Variants in DHX35 observed in about 807,000 individuals in gnomAD.
The protein encoded by DHX35 is DEAH-box helicase 35, also known as probable ATP-dependent RNA helicase DHX35.
A neutral mutation model predicts 99.6 loss-of-function variants in DHX35; 84 were observed. That is an observed-to-expected ratio of 0.84 (90% CI 0.71 to 1.01). The LOEUF is 1.01. DHX35 is among the 50% of genes least tolerant of loss of function. DHX35 has a pLI of 0.00. For missense variants in DHX35, 852 were observed against 888.5 expected (o/e 0.96, Z 0.52); for synonymous variants, 331 against 316.2 (o/e 1.05, Z -0.50).
chr20:38,964,219 A>G (rs1403911680), intron 1 of DHX35, among the ~76,000 whole-genome samples: 1 of 152,238 alleles, frequency 6.6e-6, no homozygotes, highest in Non-Finnish European at 1.5e-5. Context: ...ATGGAACTCG[A>G]AGCAAAGGGT....
In DHX35 at chr20:38,962,594, C is replaced by T. The variant is rs551617660; in HGVS notation, c.40+187C>T. Reference sequence around the variant, plus strand: ...TGGTCCCGAGGGATTTGGGGGTGCTCCCCTAGCGTGAGCAGAAACTCTTTG... The same window carrying T: ...TGGTCCCGAGGGATTTGGGGGTGCTTCCCTAGCGTGAGCAGAAACTCTTTG... On this transcript the variant is annotated intron_variant, in intron 1 of 21. Transcript: ENST00000252011. 106 of 668,160 alleles carry T rather than the reference C, an allele frequency of 1.6e-4. No individual in the cohort carries two copies. In the African/African-American group the frequency reaches 1.8e-3, roughly 11 times the overall value. The allele number at this position is 668,160 out of a possible 1,614,324, so 41.4% of individuals were successfully genotyped here.
chr20:39,025,056 G>A (rs1395155539), intron 17 of DHX35, among the ~76,000 whole-genome samples, 174 bp from the exon 18 acceptor site: 1 of 152,180 alleles, frequency 6.6e-6, no homozygotes, highest in African/African-American at 2.4e-5. Flanking sequence ...TCAGATGTGT[G>A]CAAGGTTGTT....
intron 2 of DHX35, among the ~76,000 whole-genome samples, chr20:38,970,828 A>G (rs2085984258): frequency 6.6e-6 from 1 of 151,030 alleles, no homozygotes; most frequent in African/African-American, 2.4e-5. Context: ...ACAAGATAAC[A>G]TAAATGAAAC....
intron 15 of DHX35, among the ~76,000 whole-genome samples, chr20:39,021,556 C>T (rs1208084598): frequency 9.2e-5 from 14 of 152,076 alleles, no homozygotes; most frequent in South Asian, 8.3e-4. Flanking sequence ...AATGCAGTGG[C>T]GTGAACTTGG....
rs755282012 is a variant in DHX35 at position 39,006,167 on chromosome 20, G to T, written c.1033G>T (p.Ala345Ser). Residue 345 changes from alanine to serine, a missense_variant, in exon 12 of 22, where the codon GCA (alanine) becomes TCA (serine). Coordinates refer to ENST00000252011, the MANE Select transcript of DHX35 (RefSeq NM_021931.4). ...VRKVIVATNV[A>S]ETSITISGIV... Reference sequence around the variant, plus strand: ...GTAGGTGATAGTGGCCACCAATGTGGCAGAAACCTCTATCACAATCAGCGG... The same window carrying T: ...GTAGGTGATAGTGGCCACCAATGTGTCAGAAACCTCTATCACAATCAGCGG... 6.2e-7 allele frequency: 1 copy of T among 1,613,884 alleles called. No homozygotes were observed. Among genetic ancestry groups the T allele is most frequent in the Non-Finnish European group, 8.5e-7 (1 of 1,179,830 alleles).
At chr20:38,972,162 A>G (rs1367014701) in intron 2 of DHX35, among the ~76,000 whole-genome samples, 1 of 150,626 alleles carries the variant, frequency 6.6e-6, no homozygotes, top group Non-Finnish European at 1.5e-5. Flanking sequence ...GGCACTTTCC[A>G]CTGCGCCCAG....
intron 17 of DHX35, among the ~76,000 whole-genome samples, chr20:39,024,853 G>T (rs762589896): frequency 7.9e-5 from 12 of 152,192 alleles, no homozygotes; most frequent in Admixed American, 2.6e-4. Flanking sequence ...GTGTCATATT[G>T]TTGGCTTCTA....
At chr20:38,988,262 A>G (rs918949666) in intron 4 of DHX35, among the ~76,000 whole-genome samples, 25 of 152,036 alleles carry the variant, frequency 1.6e-4, no homozygotes, top group African/African-American at 5.8e-4. Flanking sequence ...TAACATTTTT[A>G]TGTGATTTTG....
At chr20:38,970,069 A>T (rs187855609) in intron 2 of DHX35, among the ~76,000 whole-genome samples, 15 of 152,074 alleles carry the variant, frequency 9.9e-5, no homozygotes, top group Admixed American at 4.6e-4. Context: ...GCTGTGTTCT[A>T]TCTATCTGTC....
intron 3 of DHX35, among the ~76,000 whole-genome samples, chr20:38,979,777 G>A (rs2086142211): frequency 2.0e-5 from 3 of 150,902 alleles, no homozygotes; most frequent in Admixed American, 6.6e-5. Flanking sequence ...CAAAAGCACT[G>A]GATACTTAAT....
In DHX35 at chr20:39,025,298, T is replaced by C; in HGVS notation, c.1740T>C (p.Thr580=). The change falls in exon 18 of 22, where the codon ACT becomes ACC. Residue 580 remains threonine (T), a synonymous_variant. Transcript: ENST00000252011. ...ACAAGGGTCTTGTCAGAGCTGCGAC[T>C]GTAAGAGAACAATTGAAAAAGCTTC... ...LNYKGLVRAA[T]VREQLKKLLV... is the part of the protein sequence containing the mutation. The C allele has an allele frequency of 6.2e-7, 1 of 1,613,792 alleles. No individual in the cohort carries two copies. Among genetic ancestry groups the C allele is most frequent in the African/African-American group, 1.3e-5 (1 of 75,032 alleles).
intron 14 of DHX35, among the ~76,000 whole-genome samples, chr20:39,016,161 C>T (rs1157100719): frequency 2.0e-5 from 3 of 152,196 alleles, no homozygotes; most frequent in Non-Finnish European, 2.9e-5. Flanking sequence ...GGAGAGTGGG[C>T]GGGTGCAGAG....
At chr20:38,969,423 A>G (rs1264130984) in intron 2 of DHX35, among the ~76,000 whole-genome samples, 7 of 152,234 alleles carry the variant, frequency 4.6e-5, no homozygotes, top group African/African-American at 1.7e-4. Context: ...GTTGCATCGT[A>G]CATACTGGAA....
intron 8 of DHX35, among the ~76,000 whole-genome samples, chr20:38,996,688 A>G (rs1385538793): frequency 6.6e-6 from 1 of 152,146 alleles, no homozygotes; most frequent in African/African-American, 2.4e-5. Flanking sequence ...CAACTTGGAG[A>G]GAGAGAAAGC....
chr20:39,010,359 G>A lies in DHX35; in HGVS notation c.1302G>A (p.Leu434=). 6.2e-7 allele frequency: 1 copy of A among 1,614,186 alleles called. No homozygotes were observed. The highest frequency in any genetic ancestry group is 8.5e-7 in the Non-Finnish European group (1 of 1,180,024). ...ATTTGGCACCTGTCATCCTGCAGCT[G>A]AAAGCACTAGGAATTGACAATGTCC... The part of the protein sequence containing the change: ...RSNLAPVILQ[L]KALGIDNVLR... The change falls in exon 13 of 22, where the codon CTG becomes CTA. Residue 434 remains leucine (L), a synonymous_variant. Coordinates refer to ENST00000252011, the MANE Select transcript of DHX35 (RefSeq NM_021931.4).
intron 8 of DHX35, among the ~76,000 whole-genome samples, chr20:38,996,903 G>C (rs2086438215): frequency 6.6e-6 from 1 of 151,860 alleles, no homozygotes; most frequent in Non-Finnish European, 1.5e-5. Flanking sequence ...TTCACCTCTA[G>C]TTAGCTCCTC....
intron 14 of DHX35, among the ~76,000 whole-genome samples, chr20:39,016,153 A>G (rs1419141666): frequency 6.6e-6 from 1 of 152,196 alleles, no homozygotes; most frequent in African/African-American, 2.4e-5. Context: ...AAGCAAAAGG[A>G]GAGTGGGCGG....
chr20:38,968,412 C>G (rs2085941564), intron 1 of DHX35, among the ~76,000 whole-genome samples: 1 of 152,190 alleles, frequency 6.6e-6, no homozygotes, highest in Non-Finnish European at 1.5e-5. Flanking sequence ...TCAGCTAATT[C>G]CCACTGGGTT....
chr20:39,002,368 G>C (rs1239863787), intron 9 of DHX35, among the ~76,000 whole-genome samples: 2 of 152,156 alleles, frequency 1.3e-5, no homozygotes, highest in Non-Finnish European at 2.9e-5. Flanking sequence ...CGTTTTGTTG[G>C]AGAGCTCATC....
Sources: allele counts gnomAD v4.1 joint callset (sites outside exome capture counted in the v4.1 genomes callset), GRCh38; gene constraint gnomAD v4.1.1; transcripts MANE v1.5; gene names NCBI Gene and HGNC (gene_info 2026-07-23, HGNC 2026-07-21).